Variants in CDH4 observed in about 807,000 individuals in gnomAD.
The protein encoded by CDH4 is cadherin-4.
Under a neutral mutation model 86.0 loss-of-function variants are expected in CDH4, and 33 were observed. That is an observed-to-expected ratio of 0.38 (90% CI 0.29 to 0.51). CDH4 has a LOEUF of 0.51. CDH4 is among the 20% of genes least tolerant of loss of function. The pLI is 0.86. For missense variants in CDH4, 1,114 were observed against 1,307.4 expected (o/e 0.85, Z 2.28); for synonymous variants, 555 against 549.4 (o/e 1.01, Z -0.14).
At chr20:61,296,580 A>G (rs2084356368) in intron 2 of CDH4, among the ~76,000 whole-genome samples, 1 of 152,128 alleles carries the variant, frequency 6.6e-6, no homozygotes, top group Admixed American at 6.5e-5. Flanking sequence ...AGTGTTTTGC[A>G]GAGCAGCATT....
At chr20:61,422,835 T>C (rs139914203) in intron 2 of CDH4, among the ~76,000 whole-genome samples, 154 of 152,328 alleles carry the variant, frequency 1.0e-3, no homozygotes, top group African/African-American at 3.7e-3. Flanking sequence ...CTGATTCCCC[T>C]TCCTGGGCTC....
chr20:61,643,302 G>A (rs983587767), intron 2 of CDH4, among the ~76,000 whole-genome samples: 16 of 152,270 alleles, frequency 1.1e-4, no homozygotes, highest in East Asian at 3.9e-4. Flanking sequence ...GTTAATCCAC[G>A]AATGGCTCTG....
chr20:61,660,570 A>T (rs1007419524), intron 2 of CDH4, among the ~76,000 whole-genome samples: 2 of 151,986 alleles, frequency 1.3e-5, no homozygotes, highest in Non-Finnish European at 2.9e-5. Flanking sequence ...TTGAATATGG[A>T]TTGTGTTTGC....
chr20:61,338,594 A>G (rs76409570), intron 2 of CDH4, among the ~76,000 whole-genome samples: 7,216 of 152,152 alleles, frequency 0.047, 218 homozygotes, highest in Middle Eastern at 0.082. Context: ...TTTAACTTTA[A>G]TTTGTTCATG....
At chr20:61,762,388 C>G (rs1275831226) in intron 3 of CDH4, among the ~76,000 whole-genome samples, 1 of 152,218 alleles carries the variant, frequency 6.6e-6, no homozygotes, top group Non-Finnish European at 1.5e-5. Context: ...CAAAAACCAT[C>G]TTCAATACCC....
chr20:61,733,635 T>C (rs995097962), intron 2 of CDH4, among the ~76,000 whole-genome samples: 4 of 145,454 alleles, frequency 2.8e-5, no homozygotes, highest in South Asian at 2.2e-4. Context: ...GGGTACACGA[T>C]GGATGGATGA....
chr20:61,317,247 G>A (rs987647074), intron 2 of CDH4, among the ~76,000 whole-genome samples: 2 of 151,960 alleles, frequency 1.3e-5, no homozygotes, highest in Admixed American at 1.3e-4. Flanking sequence ...CTGTGGTGGC[G>A]AGCGCCCGCA....
intron 4 of CDH4, among the ~76,000 whole-genome samples, chr20:61,825,135 C>T (rs1019531146): frequency 2.6e-5 from 4 of 152,066 alleles, no homozygotes; most frequent in Non-Finnish European, 4.4e-5. Flanking sequence ...AGGCCAGACA[C>T]GCTGGCTCAT....
intron 2 of CDH4, among the ~76,000 whole-genome samples, chr20:61,686,455 G>A: frequency 6.6e-6 from 1 of 151,150 alleles, no homozygotes; most frequent in African/African-American, 2.5e-5. Context: ...GTGCATTCGT[G>A]TGTGTGCATT....
chr20:61,666,192 C>G (rs1428046682), intron 2 of CDH4, among the ~76,000 whole-genome samples: 1 of 152,200 alleles, frequency 6.6e-6, no homozygotes. Context: ...ATTTTCCCTG[C>G]CAAAAAGTGG....
At chr20:61,259,257 T>C (rs1409000402) in intron 2 of CDH4, among the ~76,000 whole-genome samples, 1 of 152,242 alleles carries the variant, frequency 6.6e-6, no homozygotes, top group African/African-American at 2.4e-5. Context: ...TCTAAGAATC[T>C]GCCATTTCTG....
Position 61,703,464 on chromosome 20 carries a change from G to T in CDH4, c.170-40099G>T, listed in dbSNP as rs1008257484. Among the ~76,000 whole-genome samples the T allele has an allele frequency of 3.9e-5, 6 of 152,206 alleles. No individual in the cohort carries two copies. Among genetic ancestry groups the T allele is most frequent in the Admixed American group, 3.9e-4 (6 of 15,280 alleles). ...CTGGGATATGGGCGGCCTTGCATTT[G>T]CAGAGTATTTAACCTAATATTGAAA... On this transcript the variant is annotated intron_variant, in intron 2 of 15. Transcript: ENST00000614565. The surrounding 1 kb of genome is among the most constrained non-coding windows in gnomAD (Gnocchi z 4.3).
chr20:61,892,937 A>G (rs1488036905), intron 7 of CDH4, among the ~76,000 whole-genome samples: 1 of 143,242 alleles, frequency 7.0e-6, no homozygotes, highest in Non-Finnish European at 1.5e-5. Flanking sequence ...TGGGTAGGTA[A>G]GTGGATGGAT....
rs552286945 is a variant in CDH4, at chr20:61,793,183, C to A, written c.576+20001C>A. 7.0e-4 allele frequency among the ~76,000 whole-genome samples: 105 copies of A among 150,982 alleles called. 1 individual carries two copies. The highest frequency in any genetic ancestry group is 3.5e-3 in the Middle Eastern group (1 of 284). Reference sequence around the variant, plus strand: ...TATCACCATGTTGGCCAGGCTGGTCCTGAACTCCTGGCCTCAAGTGATCTG... The same window carrying A: ...TATCACCATGTTGGCCAGGCTGGTCATGAACTCCTGGCCTCAAGTGATCTG... On this transcript the variant is annotated intron_variant, in intron 4 of 15. Coordinates refer to ENST00000614565, the MANE Select transcript of CDH4 (RefSeq NM_001794.5).
chr20:61,297,711 G>A (rs1472362614), intron 2 of CDH4, among the ~76,000 whole-genome samples: 1 of 152,252 alleles, frequency 6.6e-6, no homozygotes, highest in African/African-American at 2.4e-5. Flanking sequence ...TGGAGGCCTT[G>A]CAGCGCACTT....
chr20:61,882,186 A>G (rs1984311736), intron 7 of CDH4, among the ~76,000 whole-genome samples: 1 of 152,156 alleles, frequency 6.6e-6, no homozygotes, highest in African/African-American at 2.4e-5. Flanking sequence ...TTTGCCGAGA[A>G]GCCTGTGTCT....
rs1342969594 is a variant in CDH4, at chr20:61,811,651, C to G, written c.577-33017C>G. On this transcript the variant is annotated intron_variant, in intron 4 of 15. Coordinates refer to ENST00000614565, the MANE Select transcript of CDH4 (RefSeq NM_001794.5). This position sits in a 1 kb window ranked among gnomAD's most constrained non-coding sequence, Gnocchi z 4.4. Reference sequence around the variant, plus strand: ...GCCACCCGGGGTCACGCCCCTGCCACCCGGGGTCACGCCCCTGGCTGCCTA... The same window carrying G: ...GCCACCCGGGGTCACGCCCCTGCCAGCCGGGGTCACGCCCCTGGCTGCCTA... Among the ~76,000 whole-genome samples the G allele has an allele frequency of 6.6e-6, 1 of 151,650 alleles. No homozygotes were observed. The highest frequency in any genetic ancestry group is 1.9e-4 in the East Asian group (1 of 5,144).
chr20:61,584,612 G>T (rs865813781), intron 2 of CDH4, among the ~76,000 whole-genome samples: 2 of 152,176 alleles, frequency 1.3e-5, no homozygotes, highest in South Asian at 4.1e-4. Flanking sequence ...GGGCACCTCG[G>T]TTGAATAAAT....
At chr20:61,259,480 A>T (rs1191004188) in intron 2 of CDH4, among the ~76,000 whole-genome samples, 1 of 152,226 alleles carries the variant, frequency 6.6e-6, no homozygotes, top group South Asian at 2.1e-4. Context: ...CTGTGAAGTC[A>T]GTATTAGTCA....
Sources: allele counts gnomAD v4.1 joint callset (sites outside exome capture counted in the v4.1 genomes callset), GRCh38; gene constraint gnomAD v4.1.1; non-coding constraint Gnocchi (gnomAD v3.1); transcripts MANE v1.5; gene names NCBI Gene and HGNC (gene_info 2026-07-23, HGNC 2026-07-21).